Variants in AOPEP observed in about 807,000 individuals in gnomAD.
AOPEP encodes aminopeptidase O (putative), also known as aminopeptidase O.
In AOPEP, 77 loss-of-function variants were observed where a neutral mutation model predicts 98.1. The ratio of observed to expected loss-of-function variants is 0.78; its 90% CI spans 0.65 to 0.95. The LOEUF is 0.95. AOPEP is among the 40% of genes least tolerant of loss of function. The pLI is 0.00. For synonymous variants in AOPEP, 346 were observed against 365.3 expected, an observed-to-expected ratio of 0.95 and a Z score of 0.60; for missense variants, 1,024 against 1,024.7, an observed-to-expected ratio of 1.00 and a Z score of 0.01.
intron 14 of AOPEP, among the ~76,000 whole-genome samples, chr9:95,073,497 C>T (rs1045321917): frequency 6.6e-6 from 1 of 151,826 alleles, no homozygotes; most frequent in African/African-American, 2.4e-5. Flanking sequence ...GCCTGTAATC[C>T]CAGCAGGCCG....
intron 11 of AOPEP, among the ~76,000 whole-genome samples, chr9:94,982,044 A>G (rs1208048453): frequency 1.3e-5 from 2 of 152,238 alleles, no homozygotes; most frequent in African/African-American, 2.4e-5. Context: ...ACCTCTTTAA[A>G]GAATATCCCA....
Position 94,967,818 on chromosome 9 carries a change from G to T in AOPEP, c.1916+17G>T. The T allele has an allele frequency of 1.9e-6, 3 of 1,602,756 alleles. No individual in the cohort carries two copies. The highest frequency in any genetic ancestry group is 2.6e-6 in the Non-Finnish European group (3 of 1,169,698). ...AGAAAAAAGGTAAGGACCAATTTAG[G>T]AATTTTGGAATTAAGAGCCCAGTTT... On this transcript the variant is annotated intron_variant, in intron 10 of 16. Transcript: ENST00000375315.
chr9:94,914,351 T>C (rs888910813), intron 5 of AOPEP, among the ~76,000 whole-genome samples: 8 of 152,224 alleles, frequency 5.3e-5, no homozygotes, highest in African/African-American at 1.9e-4. Flanking sequence ...CTGCAGTTAC[T>C]ACATAAGAAT....
At chr9:94,985,901 C>T (rs2060486011) in intron 11 of AOPEP, among the ~76,000 whole-genome samples, 1 of 152,234 alleles carries the variant, frequency 6.6e-6, no homozygotes, top group Non-Finnish European at 1.5e-5. Flanking sequence ...CACCTGGCCC[C>T]CTCCATAGGC....
intron 3 of AOPEP, among the ~76,000 whole-genome samples, chr9:94,781,951 G>C (rs1451664911): frequency 6.6e-6 from 1 of 151,464 alleles, no homozygotes; most frequent in Non-Finnish European, 1.5e-5. Flanking sequence ...CAGCACTTTG[G>C]GAGGCCGAGG....
chr9:95,094,039 G>A, the AOPEP span, among the ~76,000 whole-genome samples: 13 of 151,806 alleles, frequency 8.6e-5, no homozygotes, highest in African/African-American at 3.1e-4. Flanking sequence ...TTTTTCTCTC[G>A]TTCCTCTCTC....
the AOPEP span, chr9:95,150,129 A>T: frequency 6.2e-7 from 1 of 1,608,108 alleles, no homozygotes. Flanking sequence ...TCTAAGAGCC[A>T]TGCATAATTA....
chr9:94,895,416 A>G (rs1383277232), intron 5 of AOPEP, among the ~76,000 whole-genome samples: 16 of 133,900 alleles, frequency 1.2e-4, no homozygotes, highest in Non-Finnish European at 1.9e-4. Flanking sequence ...ACAAAAAGGA[A>G]AAAAAAAAAA....
intron 16 of AOPEP, chr9:95,085,149 G>C (rs2070456852): frequency 2.3e-6 from 1 of 435,058 alleles, no homozygotes; most frequent in Admixed American, 2.5e-5. Context: ...AGGCGGCAGT[G>C]TCGCCGGCGT....
intron 7 of AOPEP, 71 bp from the exon 8 acceptor site, chr9:94,955,106 T>C: frequency 1.2e-6 from 1 of 814,048 alleles, no homozygotes; most frequent in South Asian, 1.7e-5. Context: ...AAATAACAAA[T>C]AAGATGCTAT....
At chr9:94,902,837 C>T (rs1441924891) in intron 5 of AOPEP, among the ~76,000 whole-genome samples, 1 of 151,676 alleles carries the variant, frequency 6.6e-6, no homozygotes, top group Non-Finnish European at 1.5e-5. Context: ...GGGCAGATCA[C>T]CTGAGGTTGG....
At chr9:94,769,551 G>T (rs1166069579) in intron 2 of AOPEP, among the ~76,000 whole-genome samples, 1 of 152,206 alleles carries the variant, frequency 6.6e-6, no homozygotes, top group Non-Finnish European at 1.5e-5. Context: ...GAATGTGATT[G>T]AGTCTCCTAT....
intron 7 of AOPEP, chr9:94,931,912 A>G: frequency 8.6e-7 from 1 of 1,158,968 alleles, no homozygotes; most frequent in Non-Finnish European, 1.2e-6. Flanking sequence ...TGGCAGGTTA[A>G]CAGTCTCCAC....
the AOPEP span, chr9:95,126,400 A>G: frequency 3.3e-6 from 3 of 912,240 alleles, no homozygotes; most frequent in Non-Finnish European, 5.3e-6. Flanking sequence ...AGCTCAGAGG[A>G]ACAGGAGGGA....
downstream of AOPEP, among the ~76,000 whole-genome samples, chr9:95,088,297 C>T (rs1422655823): frequency 6.6e-6 from 1 of 152,044 alleles, no homozygotes; most frequent in Non-Finnish European, 1.5e-5. Flanking sequence ...GCAACCTCCG[C>T]CTCCCGGGTT....
Position 95,082,564 on chromosome 9 carries a change from G to C in AOPEP, c.2320-11G>C, listed in dbSNP as rs751988625. On this transcript the variant is annotated splice_polypyrimidine_tract_variant and intron_variant, in intron 15 of 16. Transcript: ENST00000375315. ...CTTCGCCTGATGCCCTTTGGCCTCT[G>C]TGCCCTGCAGGCCATGGGTGTGTAC... The C allele has an allele frequency of 1.9e-6, 3 of 1,613,866 alleles. No individual in the cohort carries two copies. Among genetic ancestry groups the C allele is most frequent in the Non-Finnish European group, 2.5e-6 (3 of 1,179,928 alleles).
At chr9:94,963,151 C>T (rs12236825) in intron 9 of AOPEP, among the ~76,000 whole-genome samples, 11,943 of 151,870 alleles carry the variant, frequency 0.079, 1,176 homozygotes, top group African/African-American at 0.23. Flanking sequence ...CAATCCTGTC[C>T]TTCCTTCAAT....
intron 5 of AOPEP, among the ~76,000 whole-genome samples, chr9:94,845,226 T>G (rs1275141022): frequency 2.0e-5 from 3 of 152,340 alleles, no homozygotes; most frequent in Non-Finnish European, 4.4e-5. Context: ...AACTGTGGTA[T>G]TCCAGCACAG....
intron 6 of AOPEP, among the ~76,000 whole-genome samples, chr9:94,926,427 A>G (rs1272697718): frequency 6.6e-6 from 1 of 152,204 alleles, no homozygotes; most frequent in Non-Finnish European, 1.5e-5. Flanking sequence ...CAGCCCCCTC[A>G]TCATCCTTGG....
Sources: gnomAD v4.1 joint callset for allele counts (sites outside exome capture counted in the v4.1 genomes callset) on GRCh38, gnomAD v4.1.1 for gene constraint, MANE v1.5 for transcripts, NCBI Gene and HGNC (gene_info 2026-07-23, HGNC 2026-07-21) for gene names.